Variants in PDE10A observed in about 807,000 individuals in gnomAD.
PDE10A encodes the protein phosphodiesterase 10A.
Under a neutral mutation model 97.7 loss-of-function variants are expected in PDE10A, and 39 were observed. The ratio of observed to expected loss-of-function variants is 0.40; its 90% CI spans 0.31 to 0.52. The LOEUF (loss-of-function observed/expected upper bound fraction) is 0.52, where lower values mean the gene tolerates loss of function less well. PDE10A is among the 20% of genes least tolerant of loss of function. The pLI is 0.56. For missense variants in PDE10A, 731 were observed against 1,047.8 expected (o/e 0.70, Z 4.17); for synonymous variants, 371 against 376.8 (o/e 0.98, Z 0.18).
chr6:165,908,255 G>A (rs1393676278), intron 1 of PDE10A, among the ~76,000 whole-genome samples: 1 of 152,194 alleles, frequency 6.6e-6, no homozygotes, highest in African/African-American at 2.4e-5. Context: ...TGCCATGCAG[G>A]ACTTCACACA....
chr6:165,602,237 CCA>C (rs561758423), intron 1 of PDE10A, among the ~76,000 whole-genome samples: 7 of 152,166 alleles, frequency 4.6e-5, no homozygotes, highest in Non-Finnish European at 8.8e-5. Flanking sequence ...CCGCTGATCC[CCA>C]CTGTCTCCCT....
At chr6:165,626,390 T>C (rs568940188) in intron 1 of PDE10A, among the ~76,000 whole-genome samples, 4 of 152,332 alleles carry the variant, frequency 2.6e-5, no homozygotes, top group Admixed American at 2.6e-4. Context: ...ATTATTGATG[T>C]TAACTCTAAA....
At chr6:165,542,649 T>C (rs1391940118) in intron 2 of PDE10A, among the ~76,000 whole-genome samples, 2 of 145,164 alleles carry the variant, frequency 1.4e-5, no homozygotes, top group Admixed American at 6.8e-5. Flanking sequence ...GAGACAGTCT[T>C]GCTCTGTTGC....
intron 1 of PDE10A, among the ~76,000 whole-genome samples, chr6:165,701,473 A>G (rs547275113): frequency 6.6e-6 from 1 of 152,322 alleles, no homozygotes; most frequent in East Asian, 1.9e-4. Flanking sequence ...TGAATTTCTA[A>G]TATGTTCTGA....
chr6:165,823,278 C>T (rs1362599124), intron 1 of PDE10A, among the ~76,000 whole-genome samples: 3 of 149,052 alleles, frequency 2.0e-5, no homozygotes, highest in Admixed American at 1.3e-4. Context: ...TTTAAAAAAA[C>T]TTATTAAGTG....
Position 165,433,092 on chromosome 6 carries a change from C to A in PDE10A, c.1373G>T (p.Gly458Val), listed in dbSNP as rs1478195223. The part of the protein sequence containing the change: ...RFPRGTGLES[G>V]TRIQSVLCLP... ...GCAAAGAACAGACTGGATACGAGTC[C>A]CTGATTCCAGTCCAGTACCTCTTGG... Residue 458 changes from glycine to valine, a missense_variant, in exon 7 of 22, where the codon GGG (glycine) becomes GTG (valine). This residue lies in a region of PDE10A where 152 missense variants were observed against 199.3 expected (regional missense o/e 0.76). Transcript: ENST00000539869. 6.2e-7 allele frequency: 1 copy of A among 1,613,308 alleles called. No homozygotes were observed. The highest frequency in any genetic ancestry group is 1.1e-5 in the South Asian group (1 of 91,012).
intron 1 of PDE10A, chr6:165,775,891 G>GA (rs1388029049): frequency 2.0e-5 from 3 of 152,132 alleles, no homozygotes; most frequent in Non-Finnish European, 4.4e-5. Context: ...ATTTCAGTGA[G>GA]AAAAAATGGC....
chr6:165,987,739 C>T (rs996589663), exon 1 of PDE10A: 1 of 456,354 alleles, frequency 2.2e-6, no homozygotes, highest in African/African-American at 2.0e-5. Flanking sequence ...TCGCGCGCTC[C>T]GCTCAGCAGG....
chr6:165,973,891 T>C (rs2128501978), intron 1 of PDE10A, among the ~76,000 whole-genome samples: 1 of 152,382 alleles, frequency 6.6e-6, no homozygotes, highest in Admixed American at 6.5e-5. Context: ...ATGCAGAATT[T>C]CTTAACAAAA....
At chr6:165,490,127 C>T (rs1488932473) in intron 2 of PDE10A, among the ~76,000 whole-genome samples, 1 of 152,162 alleles carries the variant, frequency 6.6e-6, no homozygotes, top group Non-Finnish European at 1.5e-5. Flanking sequence ...AAGATCATTG[C>T]CTAGGCACAG....
At chr6:165,438,173 CTTTT>C (rs966240244) in intron 5 of PDE10A, among the ~76,000 whole-genome samples, 3 of 152,008 alleles carry the variant, frequency 2.0e-5, no homozygotes, top group Admixed American at 6.6e-5. Flanking sequence ...CTCAAAGACG[CTTTT>C]TTTAATTTTT....
chr6:165,983,403 G>A (rs1785080242), intron 1 of PDE10A, among the ~76,000 whole-genome samples: 1 of 152,156 alleles, frequency 6.6e-6, no homozygotes, highest in Non-Finnish European at 1.5e-5. Flanking sequence ...GAGCACTCTG[G>A]CATGGATTGG....
At chr6:165,373,733 A>T in intron 18 of PDE10A, among the ~76,000 whole-genome samples, 1 of 152,156 alleles carries the variant, frequency 6.6e-6, no homozygotes. Context: ...ATTACTGGGT[A>T]TATACCCAAA....
intron 1 of PDE10A, among the ~76,000 whole-genome samples, chr6:165,833,970 C>T (rs1051778991): frequency 1.3e-5 from 2 of 152,208 alleles, no homozygotes; most frequent in South Asian, 4.1e-4. Flanking sequence ...TCTCTGGAGA[C>T]CTAGTCATGT....
chr6:165,455,008 T>C (rs1281552146), intron 3 of PDE10A, among the ~76,000 whole-genome samples: 1 of 152,142 alleles, frequency 6.6e-6, no homozygotes, highest in Non-Finnish European at 1.5e-5. Context: ...CAAAAATGTA[T>C]AGCACAGATC....
chr6:165,599,340 G>A (rs1453170220), intron 1 of PDE10A, among the ~76,000 whole-genome samples: 2 of 152,112 alleles, frequency 1.3e-5, no homozygotes, highest in Admixed American at 6.6e-5. Flanking sequence ...TCACTCCCTC[G>A]CAATAGGTAT....
intron 1 of PDE10A, among the ~76,000 whole-genome samples, chr6:165,796,309 A>G (rs986039972): frequency 2.0e-5 from 3 of 151,882 alleles, no homozygotes; most frequent in African/African-American, 7.3e-5. Context: ...GATGGTCTCT[A>G]TCTCCTGACC....
intron 1 of PDE10A, chr6:165,545,167 CA>C (rs1424602459): frequency 2.0e-6 from 1 of 508,074 alleles, no homozygotes; most frequent in African/African-American, 2.0e-5. Flanking sequence ...TCCCATGACA[CA>C]AGGCTATAGA....
chr6:165,702,436 G>A (rs73028185), intron 1 of PDE10A, among the ~76,000 whole-genome samples: 15 of 152,148 alleles, frequency 9.9e-5, no homozygotes, highest in African/African-American at 2.7e-4. Context: ...GCCAGGCAGC[G>A]TCCCTCACAA....
Sources: allele counts gnomAD v4.1 joint callset (sites outside exome capture counted in the v4.1 genomes callset), GRCh38; gene constraint gnomAD v4.1.1; regional missense constraint gnomAD v4.1.1; transcripts MANE v1.5; gene names NCBI Gene and HGNC (gene_info 2026-07-23, HGNC 2026-07-21).